The following LDHAL6A variants were observed in gnomAD, a reference collection of about 807,000 sequenced individuals.
LDHAL6A encodes lactate dehydrogenase A like 6A.
LDHAL6A carries 19 observed loss-of-function variants against 28.2 expected under a neutral mutation model. The ratio of observed to expected loss-of-function variants is 0.67; its 90% confidence interval spans 0.47 to 0.99. LDHAL6A has a LOEUF of 0.99. LDHAL6A is among the 50% of genes least tolerant of loss of function. The pLI, the probability that LDHAL6A is intolerant of heterozygous loss-of-function variation, is 0.00. For missense variants in LDHAL6A, 372 were observed against 398.6 expected (o/e 0.93, Z 0.57); for synonymous variants, 144 against 134.4 (o/e 1.07, Z -0.49).
intron 1 of LDHAL6A, among the ~76,000 whole-genome samples, chr11:18,461,860 GAAAAAA>G (rs34785727): frequency 7.6e-6 from 1 of 131,286 alleles, no homozygotes; most frequent in African/African-American, 2.7e-5. Flanking sequence ...TCAAAAAAAA[GAAAAAA>G]AAAAAAAAAC....
chr11:18,462,659 A>AAAAAAAAAAAC (rs1848954584), intron 1 of LDHAL6A, among the ~76,000 whole-genome samples: 1 of 137,444 alleles, frequency 7.3e-6, no homozygotes, highest in Non-Finnish European at 1.6e-5. Context: ...AACAAACAAA[A>AAAAAAAAAAAC]AAAAAAACAA....
intron 1 of LDHAL6A, among the ~76,000 whole-genome samples, chr11:18,462,617 A>ATG (rs1848948336): frequency 6.8e-6 from 1 of 146,632 alleles, no homozygotes; most frequent in Admixed American, 7.0e-5. Context: ...AGCCTGGGCA[A>ATG]CAGAGCAAGA....
intron 3 of LDHAL6A, chr11:18,468,646 TATA>T (rs1565072151): frequency 6.6e-6 from 1 of 152,260 alleles, no homozygotes; most frequent in Non-Finnish European, 1.5e-5. Flanking sequence ...GGCTTGGATG[TATA>T]ATGTTTTTCT....
In LDHAL6A at chr11:18,462,607, A is replaced by T. The variant is rs552745666; in HGVS notation, c.127-1354A>T. 3.8e-4 allele frequency among the ~76,000 whole-genome samples: 56 copies of T among 148,462 alleles called. 1 individual carries two copies. The highest frequency in any genetic ancestry group is 6.1e-4 in the Non-Finnish European group (41 of 67,434). On this transcript the variant is annotated intron_variant, in intron 1 of 6. Transcript: ENST00000280706. ...AGCCGAGATCACGCCACTGCACTCC[A>T]GCCTGGGCAACAGAGCAAGACTCTG...
intron 3 of LDHAL6A, among the ~76,000 whole-genome samples, chr11:18,466,976 T>G (rs1402784774): frequency 6.6e-6 from 1 of 152,198 alleles, no homozygotes; most frequent in Non-Finnish European, 1.5e-5. Flanking sequence ...GTAGTTCCAT[T>G]TAACTGGGTT....
chr11:18,477,435 G>C (rs1172844001), intron 5 of LDHAL6A, among the ~76,000 whole-genome samples, 185 bp from the exon 6 acceptor site: 6 of 151,334 alleles, frequency 4.0e-5, no homozygotes, highest in African/African-American at 1.5e-4. Flanking sequence ...CTCCAGCCTG[G>C]GTGACAGAGC....
At position 18,464,977 on chromosome 11, in the gene LDHAL6A, G is replaced by GTTTTTTTTTTT. The variant is rs67628824; in HGVS notation, c.245-651_245-650insTTTTTTTTTTT. On this transcript the variant is annotated intron_variant, in intron 2 of 6. Coordinates refer to ENST00000280706, the MANE Select transcript of LDHAL6A (RefSeq NM_144972.5). Reference sequence around the variant, plus strand: ...TTTTAGGAGGTGAGGTGTTTTTTTTGTTTTTTTTTGTTTTGTTTTGTTTTG... The same window carrying GTTTTTTTTTTT: ...TTTTAGGAGGTGAGGTGTTTTTTTTGTTTTTTTTTTTTTTTTTTTTGTTTTGTTTTGTTTTG... Among the ~76,000 whole-genome samples, 191 of 125,462 alleles carry GTTTTTTTTTTT rather than the reference G, an allele frequency of 1.5e-3. 14 individuals carry two copies. Among genetic ancestry groups the GTTTTTTTTTTT allele is most frequent in the African/African-American group, 4.1e-3 (123 of 29,756 alleles). 82.3% of individuals were successfully genotyped at this position (125,462 alleles called of 152,430 possible). A position where few individuals can be genotyped will look rare whatever the true frequency, so the allele number is the denominator to read the frequency against.
In LDHAL6A at chr11:18,477,720, C is replaced by T; in HGVS notation, c.811C>T (p.His271Tyr). The T allele has an allele frequency of 6.2e-7, 1 of 1,609,666 alleles. No individual in the cohort carries two copies. The highest frequency in any genetic ancestry group is 1.1e-5 in the South Asian group (1 of 89,912). The change falls in exon 6 of 7, where the codon CAT becomes TAT. Residue 271 changes from histidine to tyrosine, a missense_variant. Coordinates refer to ENST00000280706, the MANE Select transcript of LDHAL6A (RefSeq NM_144972.5). ...TATTTTGAAGAATCTTAGGAGAGTG[C>T]ATCCAGTTTCTACCCTAAGTAAGGT... ...ESILKNLRRV[H>Y]PVSTLSKGLY...
chr11:18,456,284 G>A lies in LDHAL6A; in HGVS notation c.-397G>A, dbSNP rs1848751645. ...CCTGCGGACCCCGGGCGCAGTCCTGGAGCTGAGAACTGGAGGTTGGGGGAA... is the reference window on the plus strand; with the variant it reads ...CCTGCGGACCCCGGGCGCAGTCCTGAAGCTGAGAACTGGAGGTTGGGGGAA... On this transcript the variant is annotated 5_prime_UTR_variant, in exon 1 of 7. Transcript: ENST00000280706. 5.0e-6 allele frequency: 1 copy of A among 199,268 alleles called. No homozygotes were observed. Among genetic ancestry groups the A allele is most frequent in the Non-Finnish European group, 1.0e-5 (1 of 98,658 alleles). 12.3% of individuals were successfully genotyped at this position (199,268 alleles called of 1,614,324 possible).
rs76148566 is a variant in LDHAL6A, at chr11:18,460,129, G to A, written c.126+3323G>A. On this transcript the variant is annotated intron_variant, in intron 1 of 6. Transcript: ENST00000280706. ...CTTGGCTTTGAATTTCCAGTAATTC[G>A]AATAGAGTAAAAAGATCCAGGCTGG... Among the ~76,000 whole-genome samples, 868 of 152,208 alleles carry A rather than the reference G, an allele frequency of 5.7e-3. 9 individuals are homozygous for A. Among genetic ancestry groups the A allele is most frequent in the African/African-American group, 0.019 (799 of 41,518 alleles).
At chr11:18,464,796 A>C (rs945108274) in intron 2 of LDHAL6A, among the ~76,000 whole-genome samples, 1 of 151,946 alleles carries the variant, frequency 6.6e-6, no homozygotes, top group African/African-American at 2.4e-5. Context: ...TCACTACTGT[A>C]CTTTATTCAC....
At chr11:18,467,331 C>T (rs1849100467) in intron 3 of LDHAL6A, among the ~76,000 whole-genome samples, 2 of 152,186 alleles carry the variant, frequency 1.3e-5, no homozygotes. Flanking sequence ...AGTGGTCCAG[C>T]TTCTGTCCCT....
intron 1 of LDHAL6A, among the ~76,000 whole-genome samples, chr11:18,461,851 C>CAAAAAAA (rs1181963432): frequency 1.0e-5 from 1 of 98,154 alleles, no homozygotes; most frequent in African/African-American, 4.5e-5. Context: ...GATTCCGTCT[C>CAAAAAAA]AAAAAAAAGA....
At chr11:18,463,910 C>A in intron 1 of LDHAL6A, 51 bp from the exon 2 acceptor site, 1 of 1,136,676 alleles carries the variant, frequency 8.8e-7, no homozygotes, top group Non-Finnish European at 1.3e-6. Context: ...TTTCATTCTC[C>A]AGTTAATCAA....
At chr11:18,458,315 C>T (rs573772547) in intron 1 of LDHAL6A, among the ~76,000 whole-genome samples, 344 of 152,280 alleles carry the variant, frequency 2.3e-3, no homozygotes, top group Admixed American at 3.7e-3. Flanking sequence ...ACAGGCCCCA[C>T]CGGGCATGTA....
chr11:18,467,935 A>ATATTTTGCTTGTCTGGATCTT (rs1849130891), intron 3 of LDHAL6A, among the ~76,000 whole-genome samples: 1 of 72,234 alleles, frequency 1.4e-5, no homozygotes, highest in Non-Finnish European at 2.5e-5. Flanking sequence ...ACATATATAT[A>ATATTTTGCTTGTCTGGATCTT]TACACACACA....
Position 18,476,934 on chromosome 11 carries a change from GTA to G in LDHAL6A, c.710+435_710+436del. ...GTGGTAGGATCACTTGAGCCCAGGAGTATGACACCAGCCTGGGCAACATAGGG... is the reference window on the plus strand; with the variant it reads ...GTGGTAGGATCACTTGAGCCCAGGAGTGACACCAGCCTGGGCAACATAGGG... On this transcript the variant is annotated intron_variant, in intron 5 of 6. Coordinates refer to ENST00000280706, the MANE Select transcript of LDHAL6A (RefSeq NM_144972.5). Among the ~76,000 whole-genome samples the G allele has an allele frequency of 4.0e-5, 6 of 151,764 alleles. 1 individual carries two copies. The Middle Eastern group carries it at 0.017, about 436-fold the overall frequency.
intron 1 of LDHAL6A, among the ~76,000 whole-genome samples, chr11:18,460,827 G>C (rs998518822): frequency 2.0e-5 from 3 of 152,076 alleles, no homozygotes; most frequent in Non-Finnish European, 4.4e-5. Context: ...TGGATGCTTG[G>C]TTATTTCTTT....
chr11:18,460,704 G>C (rs1441272646), intron 1 of LDHAL6A, among the ~76,000 whole-genome samples: 1 of 152,044 alleles, frequency 6.6e-6, no homozygotes, highest in Non-Finnish European at 1.5e-5. Context: ...ATGCTGCAGT[G>C]AGCCATGAAT....
Sources: allele counts gnomAD v4.1 joint callset (sites outside exome capture counted in the v4.1 genomes callset), GRCh38; gene constraint gnomAD v4.1.1; transcripts MANE v1.5; gene names NCBI Gene and HGNC (gene_info 2026-07-23, HGNC 2026-07-21).